Variants in ZNF385D observed in about 807,000 individuals in gnomAD.
ZNF385D encodes the protein zinc finger protein 385D.
In ZNF385D, 15 loss-of-function variants were observed where a neutral mutation model predicts 35.8. The ratio of observed to expected loss-of-function variants is 0.42; its 90% confidence interval spans 0.28 to 0.64. The LOEUF is 0.64. Among genes scored for constraint, ZNF385D ranks in the 30% least tolerant of loss-of-function variants. The pLI is 0.23. For synonymous variants in ZNF385D, 212 were observed against 186.8 expected (o/e 1.13, Z -1.10); for missense variants, 474 against 494.6 (o/e 0.96, Z 0.39).
chr3:22,131,383 GAAGA>G (rs1194069669), intron 3 of ZNF385D, among the ~76,000 whole-genome samples: 5 of 152,028 alleles, frequency 3.3e-5, no homozygotes, highest in Admixed American at 2.0e-4. Flanking sequence ...AAAAAGTTTA[GAAGA>G]AAGAAAGAAA....
intron 2 of ZNF385D, among the ~76,000 whole-genome samples, chr3:22,366,320 C>A (rs149266581): frequency 6.6e-6 from 1 of 152,114 alleles, no homozygotes; most frequent in Non-Finnish European, 1.5e-5. Flanking sequence ...GGTCTTTACA[C>A]TCCATGAGGA....
At chr3:22,048,429 C>G (rs755257203) in intron 3 of ZNF385D, among the ~76,000 whole-genome samples, 2 of 152,014 alleles carry the variant, frequency 1.3e-5, no homozygotes, top group Non-Finnish European at 2.9e-5. Context: ...CAATGGGGTG[C>G]AAGATAAGGA....
intron 3 of ZNF385D, among the ~76,000 whole-genome samples, chr3:21,994,001 G>T (rs1048003106): frequency 2.0e-5 from 3 of 152,126 alleles, no homozygotes; most frequent in Admixed American, 6.5e-5. Flanking sequence ...ACCTAATCTG[G>T]AGTTGGTTTC....
At position 21,470,261 on chromosome 3, in the gene ZNF385D, G is replaced by A. The variant is rs553936874; in HGVS notation, c.440-33058C>T. 4.6e-5 allele frequency among the ~76,000 whole-genome samples: 7 copies of A among 152,200 alleles called. No individual in the cohort carries two copies. In the East Asian group the frequency reaches 1.2e-3, roughly 25 times the overall value. On this transcript the variant is annotated intron_variant, in intron 4 of 7. Coordinates refer to ENST00000281523, the MANE Select transcript of ZNF385D (RefSeq NM_024697.3). Reference sequence around the variant, plus strand: ...AGAGCACATTATGAACAACCTTTTCGTTTAAAATGGAGTGGATCCTAAGCA... The same window carrying A: ...AGAGCACATTATGAACAACCTTTTCATTTAAAATGGAGTGGATCCTAAGCA...
chr3:21,832,932 C>T (rs1383941738), intron 3 of ZNF385D, among the ~76,000 whole-genome samples: 1 of 152,166 alleles, frequency 6.6e-6, no homozygotes, highest in Non-Finnish European at 1.5e-5. Flanking sequence ...TGGTCAAAAA[C>T]TTTTTATGAG....
At chr3:21,697,693 T>C (rs1452143129) in intron 1 of ZNF385D, among the ~76,000 whole-genome samples, 1 of 152,150 alleles carries the variant, frequency 6.6e-6, no homozygotes, top group Admixed American at 6.5e-5. Flanking sequence ...GAGAAAATAT[T>C]TGCAAATTAT....
At chr3:22,218,523 G>A (rs577286802) in intron 2 of ZNF385D, among the ~76,000 whole-genome samples, 3 of 152,066 alleles carry the variant, frequency 2.0e-5, no homozygotes, top group African/African-American at 4.8e-5. Context: ...AACTGTATCT[G>A]CGATAATGGC....
chr3:21,637,398 A>G (rs538766557), intron 2 of ZNF385D, among the ~76,000 whole-genome samples: 1 of 152,182 alleles, frequency 6.6e-6, no homozygotes, highest in South Asian at 2.1e-4. Flanking sequence ...TTTGTCAAAG[A>G]TTAGTTGGCT....
intron 3 of ZNF385D, among the ~76,000 whole-genome samples, chr3:22,014,962 G>C (rs377702617): frequency 6.6e-6 from 1 of 152,112 alleles, no homozygotes; most frequent in African/African-American, 2.4e-5. Flanking sequence ...GAGTGAATTA[G>C]AGGCAGAAGA....
At chr3:21,600,967 GA>G (rs923165921) in intron 2 of ZNF385D, among the ~76,000 whole-genome samples, 12 of 148,758 alleles carry the variant, frequency 8.1e-5, no homozygotes, top group East Asian at 2.0e-4. Flanking sequence ...GAAAATTCAA[GA>G]AAAAAAAAAT....
chr3:22,085,864 G>C (rs142249979), intron 3 of ZNF385D, among the ~76,000 whole-genome samples: 2,713 of 152,258 alleles, frequency 0.018, 66 homozygotes, highest in African/African-American at 0.061. Context: ...CCATGATCAA[G>C]TCAGCTTCAT....
At chr3:22,223,672 A>G (rs1698390987) in intron 2 of ZNF385D, among the ~76,000 whole-genome samples, 1 of 152,182 alleles carries the variant, frequency 6.6e-6, no homozygotes, top group Admixed American at 6.6e-5. Flanking sequence ...ATATTTTAAT[A>G]ATTTTGAACG....
At chr3:22,014,856 T>A (rs1439902602) in intron 3 of ZNF385D, among the ~76,000 whole-genome samples, 1 of 152,106 alleles carries the variant, frequency 6.6e-6, no homozygotes, top group Non-Finnish European at 1.5e-5. Flanking sequence ...TAAACTAATT[T>A]TGTACAAAAT....
chr3:21,754,466 C>A (rs773522063), upstream of ZNF385D, among the ~76,000 whole-genome samples: 2 of 152,120 alleles, frequency 1.3e-5, no homozygotes, highest in Non-Finnish European at 2.9e-5. Context: ...ACAAAGGATG[C>A]CTTCAAACCA....
intron 2 of ZNF385D, among the ~76,000 whole-genome samples, chr3:22,219,569 T>C (rs1040853439): frequency 6.6e-6 from 1 of 152,122 alleles, no homozygotes; most frequent in Admixed American, 6.6e-5. Flanking sequence ...AATAGTACTG[T>C]AGGTCCCTAA....
At chr3:21,909,892 T>C (rs1699878419) in intron 3 of ZNF385D, among the ~76,000 whole-genome samples, 1 of 152,056 alleles carries the variant, frequency 6.6e-6, no homozygotes, top group African/African-American at 2.4e-5. Context: ...GCTTTATGAA[T>C]AATGTATCAT....
At chr3:21,812,043 A>C (rs2072942687) in intron 3 of ZNF385D, among the ~76,000 whole-genome samples, 1 of 152,214 alleles carries the variant, frequency 6.6e-6, no homozygotes, top group Non-Finnish European at 1.5e-5. Context: ...CTCTAAATAT[A>C]AATATCAGTT....
At chr3:22,258,983 C>T (rs1025541202) in intron 2 of ZNF385D, among the ~76,000 whole-genome samples, 3 of 151,588 alleles carry the variant, frequency 2.0e-5, no homozygotes, top group Non-Finnish European at 4.4e-5. Flanking sequence ...TGGATAATTA[C>T]AGATGTACTT....
At chr3:21,997,862 CGCGCGCGCGCGTGTGTGTGTGTGTGTGT>C in intron 3 of ZNF385D, among the ~76,000 whole-genome samples, 1 of 112,560 alleles carries the variant, frequency 8.9e-6, no homozygotes, top group Non-Finnish European at 2.0e-5. Context: ...ATTTGGCGCG[CGCGCGCGCGCGTGTGTGTGTGTGTGTGT>C]GTGTGTGTGT....
Sources: allele counts gnomAD v4.1 joint callset (sites outside exome capture counted in the v4.1 genomes callset), GRCh38; gene constraint gnomAD v4.1.1; transcripts MANE v1.5; gene names NCBI Gene and HGNC (gene_info 2026-07-23, HGNC 2026-07-21).